Variants in NMRK1 observed in about 807,000 individuals in gnomAD.
NMRK1 encodes nicotinamide riboside kinase 1.
A neutral mutation model predicts 29.9 loss-of-function variants in NMRK1; 28 were observed. The ratio of observed to expected loss-of-function variants is 0.94; its 90% CI spans 0.69 to 1.28. The LOEUF is 1.28. Among genes scored for constraint, NMRK1 ranks in the 50% most tolerant of loss-of-function variants. The pLI, the probability that NMRK1 is intolerant of heterozygous loss-of-function variation, is 0.00. For missense variants in NMRK1, 218 were observed against 233.1 expected (o/e 0.94, Z 0.42); for synonymous variants, 58 against 73.0 (o/e 0.79, Z 1.05).
Position 75,060,703 on chromosome 9 carries a change from C to A in NMRK1, c.*845G>T, listed in dbSNP as rs1208999637. ...TTCTGTGCTTTCCAAAGATAGGTCC[C>A]CTGGATTCCACATGATTGAAGTAAT... On this transcript the variant is annotated 3_prime_UTR_variant, in exon 9 of 9. Transcript: ENST00000361092. 2 of 152,088 alleles carry A rather than the reference C, an allele frequency of 1.3e-5. No homozygotes were observed. Among genetic ancestry groups the A allele is most frequent in the Non-Finnish European group, 2.9e-5 (2 of 68,034 alleles). The allele number at this position is 152,088 out of a possible 1,614,324, so 9.4% of individuals were successfully genotyped here. A position where few individuals can be genotyped will look rare whatever the true frequency, so the allele number is the denominator to read the frequency against.
At chr9:75,084,248 T>C (rs575784363) in intron 1 of NMRK1, among the ~76,000 whole-genome samples, 10 of 152,316 alleles carry the variant, frequency 6.6e-5, no homozygotes, top group African/African-American at 1.7e-4. Context: ...GCCAGGGACC[T>C]AGGCCGTGTA....
At chr9:75,079,021 A>G (rs573550568) in intron 2 of NMRK1, among the ~76,000 whole-genome samples, 67 of 152,358 alleles carry the variant, frequency 4.4e-4, no homozygotes, top group African/African-American at 1.6e-3. Context: ...TTCACAGCAC[A>G]AAAACCTCCT....
intron 8 of NMRK1, among the ~76,000 whole-genome samples, chr9:75,062,715 T>A (rs1823093206): frequency 6.6e-6 from 1 of 151,838 alleles, no homozygotes. Flanking sequence ...AGGTAATTAC[T>A]TCCTCCCTTT....
chr9:75,072,938 T>C (rs191186159), intron 4 of NMRK1, among the ~76,000 whole-genome samples: 12 of 152,358 alleles, frequency 7.9e-5, no homozygotes, highest in Admixed American at 3.3e-4. Flanking sequence ...TAGTTAATTG[T>C]ATTGTTCAAA....
At position 75,061,216 on chromosome 9, in the gene NMRK1, T is replaced by A. The variant is rs1053243756; in HGVS notation, c.*332A>T. 5 of 292,814 alleles carry A rather than the reference T, an allele frequency of 1.7e-5. No homozygotes were observed. Among genetic ancestry groups the A allele is most frequent in the African/African-American group, 8.6e-5 (4 of 46,294 alleles). 18.1% of individuals were successfully genotyped at this position (292,814 alleles called of 1,614,324 possible). A position where few individuals can be genotyped will look rare whatever the true frequency, so the allele number is the denominator to read the frequency against. On this transcript the variant is annotated 3_prime_UTR_variant, in exon 9 of 9. Transcript: ENST00000361092. ...CCACAGATATTGGATTGTGATGTAA[T>A]CTTTATTTCTTACTCTGAGCTCCAG...
At chr9:75,061,608 A>G (rs200272096) in intron 8 of NMRK1, 41 bp from the exon 9 acceptor site, 6 of 1,510,162 alleles carry the variant, frequency 4.0e-6, no homozygotes, top group South Asian at 1.1e-5. Flanking sequence ...GAGAATTCCA[A>G]TTCTCATTTT....
chr9:75,069,198 C>T, intron 6 of NMRK1, 96 bp from the exon 7 acceptor site: 2 of 844,754 alleles, frequency 2.4e-6, no homozygotes, highest in Non-Finnish European at 3.9e-6. Flanking sequence ...CACTCAGAGG[C>T]TGAATCTAAA....
At chr9:75,061,625 T>C in intron 8 of NMRK1, 58 bp from the exon 9 acceptor site, 1 of 1,361,138 alleles carries the variant, frequency 7.3e-7, no homozygotes. Flanking sequence ...TTTTATTAAA[T>C]CTTTACATCA....
intron 4 of NMRK1, among the ~76,000 whole-genome samples, 195 bp from the exon 5 acceptor site, chr9:75,070,237 T>C (rs1341058150): frequency 6.6e-6 from 1 of 152,196 alleles, no homozygotes; most frequent in Non-Finnish European, 1.5e-5. Flanking sequence ...AACATTTTTA[T>C]TATGGAAAAT....
chr9:75,084,693 G>A (rs1824515459), intron 1 of NMRK1, among the ~76,000 whole-genome samples: 1 of 152,226 alleles, frequency 6.6e-6, no homozygotes, highest in Admixed American at 6.5e-5. Context: ...CGGAGGCTGA[G>A]GTGGGAGGAT....
At position 75,069,813 on chromosome 9, in the gene NMRK1, C is replaced by CTCTTGACACTTTCTGTTT; in HGVS notation, c.318-1_318insAAACAGAAAGTGTCAAGA (p.Lys106_Pro107insAsnArgLysCysGlnGlu). On this transcript the variant is annotated inframe_insertion and splice_region_variant. Transcript: ENST00000361092. Reference sequence around the variant, plus strand: ...TTCTATTCCATATAGTGTCAAGGGGCCTAAAATAACAGCATACTTAGTTCA... The same window carrying CTCTTGACACTTTCTGTTT: ...TTCTATTCCATATAGTGTCAAGGGGCTCTTGACACTTTCTGTTTCTAAAATAACAGCATACTTAGTTCA... The CTCTTGACACTTTCTGTTT allele has an allele frequency of 6.2e-7, 1 of 1,612,358 alleles. No individual in the cohort carries two copies. The highest frequency in any genetic ancestry group is 1.1e-5 in the South Asian group (1 of 90,766).
In NMRK1 at chr9:75,077,481, T is replaced by C. The variant is rs370881544; in HGVS notation, c.120+9A>G. ...ATTAAATAAATAATTTAAGAAGTTTTATAGATACCTTGAAGAAATCATCCT... is the reference window on the plus strand; with the variant it reads ...ATTAAATAAATAATTTAAGAAGTTTCATAGATACCTTGAAGAAATCATCCT... On this transcript the variant is annotated intron_variant, in intron 3 of 8. Coordinates refer to ENST00000361092, the MANE Select transcript of NMRK1 (RefSeq NM_017881.3). 3.8e-6 allele frequency: 6 copies of C among 1,562,600 alleles called. No individual in the cohort carries two copies. The highest frequency in any genetic ancestry group is 5.3e-6 in the Non-Finnish European group (6 of 1,134,854).
At chr9:75,071,647 T>C (rs932432788) in intron 4 of NMRK1, among the ~76,000 whole-genome samples, 2 of 152,212 alleles carry the variant, frequency 1.3e-5, no homozygotes, top group African/African-American at 2.4e-5. Context: ...TCTGTTCTGG[T>C]ATAGCTTGCA....
At chr9:75,072,928 T>C (rs1473889143) in intron 4 of NMRK1, among the ~76,000 whole-genome samples, 1 of 152,184 alleles carries the variant, frequency 6.6e-6, no homozygotes, top group Non-Finnish European at 1.5e-5. Flanking sequence ...TTGGTCAAGT[T>C]AGTTAATTGT....
At chr9:75,084,260 C>T (rs1256539049) in intron 1 of NMRK1, among the ~76,000 whole-genome samples, 1 of 152,192 alleles carries the variant, frequency 6.6e-6, no homozygotes, top group East Asian at 1.9e-4. Context: ...GGCCGTGTAG[C>T]CAGGGGCAAG....
Position 75,069,907 on chromosome 9 carries a change from A to G in NMRK1, c.305T>C (p.Leu102Pro). The change falls in exon 5 of 9, where the codon CTT becomes CCT. Residue 102 changes from leucine (L) to proline (P), a missense_variant. By Grantham distance (98) the Leu-to-Pro change is moderately conservative. Coordinates refer to ENST00000361092, the MANE Select transcript of NMRK1 (RefSeq NM_017881.3). ...TGGAGATGCTTACTTATAATTAAAA[A>G]GAAGAAAACCTTCGATGATTAAAAT... ...IPILIIEGFL[L>P]FNYKPLDTIW... 1.2e-6 allele frequency: 2 copies of G among 1,613,432 alleles called. No homozygotes were observed. Among genetic ancestry groups the G allele is most frequent in the Non-Finnish European group, 1.7e-6 (2 of 1,179,820 alleles).
Position 75,077,576 on chromosome 9 carries a change from T to A in NMRK1, c.34A>T (p.Thr12Ser). 6.2e-7 allele frequency: 1 copy of A among 1,611,362 alleles called. No individual in the cohort carries two copies. ...KTFIIGISGV[T>S]NSGKTTLAKN... is the part of the protein sequence containing the mutation. ...GCCAGTGTTGTTTTGCCACTGTTTG[T>A]CACACTGAAGCAAAGAAAAAAGAAA... The change falls in exon 3 of 9, where the codon ACA (threonine) becomes TCA (serine). Residue 12 changes from threonine to serine, a missense_variant. Transcript: ENST00000361092.
In NMRK1 at chr9:75,075,250, G is replaced by T. The variant is rs182763750; in HGVS notation, c.169+1909C>A. 1.2e-4 allele frequency among the ~76,000 whole-genome samples: 19 copies of T among 152,204 alleles called. No homozygotes were observed. The East Asian group carries it at 3.7e-3, about 29-fold the overall frequency. ...GTTTGTAAGAATTCATTAAAAATTA[G>T]AAATAGTAATTCTTTTCCAATTGTT... On this transcript the variant is annotated intron_variant, in intron 4 of 8. Coordinates refer to ENST00000361092, the MANE Select transcript of NMRK1 (RefSeq NM_017881.3).
chr9:75,069,540 C>A (rs962344281), intron 6 of NMRK1: 3 of 549,190 alleles, frequency 5.5e-6, no homozygotes, highest in Non-Finnish European at 6.3e-6. Flanking sequence ...TGATATAAGG[C>A]CCTTTTCTTA....
Sources: gnomAD v4.1 joint callset for allele counts (sites outside exome capture counted in the v4.1 genomes callset) on GRCh38, gnomAD v4.1.1 for gene constraint, MANE v1.5 for transcripts, NCBI Gene and HGNC (gene_info 2026-07-23, HGNC 2026-07-21) for gene names.